Variants in STPG2 observed in about 807,000 individuals in gnomAD.
STPG2 encodes the protein sperm-tail PG-rich repeat-containing protein 2.
Under a neutral mutation model 54.2 loss-of-function variants are expected in STPG2, and 56 were observed. The ratio of observed to expected loss-of-function variants is 1.03; its 90% CI spans 0.83 to 1.29. The LOEUF is 1.29. Among genes scored for constraint, STPG2 ranks in the 50% most tolerant of loss-of-function variants. The pLI is 0.00. For missense variants in STPG2, 596 were observed against 544.9 expected, an observed-to-expected ratio of 1.09 and a Z score of -0.93; for synonymous variants, 200 against 181.8, an observed-to-expected ratio of 1.10 and a Z score of -0.81.
At chr4:97,636,738 C>T (rs1261430200) in intron 10 of STPG2, among the ~76,000 whole-genome samples, 1 of 152,206 alleles carries the variant, frequency 6.6e-6, no homozygotes, top group Non-Finnish European at 1.5e-5. Context: ...ACTAGAAAAT[C>T]TAGAAGAAAT....
At chr4:97,571,128 T>G (rs1031210056) in intron 10 of STPG2, among the ~76,000 whole-genome samples, 2 of 152,042 alleles carry the variant, frequency 1.3e-5, no homozygotes, top group Admixed American at 1.3e-4. Flanking sequence ...ATAATTTTAA[T>G]TATTTTTAAA....
chr4:97,539,399 T>C (rs1731633187), intron 4 of STPG2, among the ~76,000 whole-genome samples: 2 of 151,926 alleles, frequency 1.3e-5, no homozygotes, highest in Admixed American at 6.6e-5. Context: ...AATCCTAGTC[T>C]CTGATAAAAT....
chr4:97,921,626 AGACATATATGG>A (rs1264113003), intron 8 of STPG2, among the ~76,000 whole-genome samples: 1 of 152,132 alleles, frequency 6.6e-6, no homozygotes, highest in Non-Finnish European at 1.5e-5. Context: ...AAAACCTACA[AGACATATATGG>A]GACATCATCA....
chr4:98,023,288 AC>A lies in STPG2; in HGVS notation c.613-41971del, dbSNP rs550295231. ...GGAGTTTGCTGGAGGTCCACTCCAGACCCTGTTTGCCTGGGTATCAGCAGCG... is the reference window on the plus strand; with the variant it reads ...GGAGTTTGCTGGAGGTCCACTCCAGACCTGTTTGCCTGGGTATCAGCAGCG... On this transcript the variant is annotated intron_variant, in intron 5 of 10. Coordinates refer to ENST00000295268, the MANE Select transcript of STPG2 (RefSeq NM_174952.3). 4.2e-3 allele frequency among the ~76,000 whole-genome samples: 647 copies of A among 152,248 alleles called. 3 individuals are homozygous for A. The highest frequency in any genetic ancestry group is 0.025 in the South Asian group (121 of 4,820).
intron 4 of STPG2, among the ~76,000 whole-genome samples, chr4:97,529,285 T>A (rs973329416): frequency 6.6e-6 from 1 of 152,232 alleles, no homozygotes; most frequent in African/African-American, 2.4e-5. Flanking sequence ...GGATTACATT[T>A]ATTAATTTGC....
At chr4:97,816,478 C>A (rs1378769214) in intron 9 of STPG2, among the ~76,000 whole-genome samples, 2 of 152,114 alleles carry the variant, frequency 1.3e-5, no homozygotes, top group African/African-American at 2.4e-5. Context: ...AATGGTTGAG[C>A]AAATTTACAC....
At chr4:97,533,531 C>T (rs1731462040) in intron 4 of STPG2, among the ~76,000 whole-genome samples, 1 of 151,924 alleles carries the variant, frequency 6.6e-6, no homozygotes, top group South Asian at 2.1e-4. Context: ...TCATATATAA[C>T]ATTTCCTTCA....
chr4:97,596,272 G>C (rs1578413297), intron 10 of STPG2, among the ~76,000 whole-genome samples: 1 of 152,088 alleles, frequency 6.6e-6, no homozygotes, highest in Admixed American at 6.6e-5. Flanking sequence ...TAAGTTCTTT[G>C]AGATGTAAGA....
At chr4:97,724,526 G>A (rs1366753685) in intron 9 of STPG2, among the ~76,000 whole-genome samples, 1 of 152,058 alleles carries the variant, frequency 6.6e-6, no homozygotes, top group Non-Finnish European at 1.5e-5. Context: ...GATCACTGCT[G>A]GTATTGAGAA....
At chr4:97,722,474 T>A (rs561080919) in intron 9 of STPG2, among the ~76,000 whole-genome samples, 1 of 152,310 alleles carries the variant, frequency 6.6e-6, no homozygotes, top group African/African-American at 2.4e-5. Flanking sequence ...GTTTGTCACA[T>A]AATTGCCACA....
chr4:97,908,982 T>A (rs964966548), intron 8 of STPG2, among the ~76,000 whole-genome samples: 2 of 149,948 alleles, frequency 1.3e-5, no homozygotes, highest in Non-Finnish European at 3.0e-5. Context: ...AACCTGCACA[T>A]TGTGCACATG....
At chr4:97,787,522 A>G (rs1726862749) in intron 9 of STPG2, among the ~76,000 whole-genome samples, 1 of 152,048 alleles carries the variant, frequency 6.6e-6, no homozygotes, top group African/African-American at 2.4e-5. Flanking sequence ...GCTAAATTCA[A>G]CTTGATATTT....
intron 9 of STPG2, among the ~76,000 whole-genome samples, chr4:97,820,551 T>C (rs927566199): frequency 1.3e-5 from 2 of 152,116 alleles, no homozygotes; most frequent in Non-Finnish European, 2.9e-5. Context: ...GCTACCACAG[T>C]AAATACACAA....
chr4:98,054,419 T>G (rs1737421381), intron 5 of STPG2, among the ~76,000 whole-genome samples: 1 of 152,168 alleles, frequency 6.6e-6, no homozygotes, highest in African/African-American at 2.4e-5. Flanking sequence ...AAATAACCTT[T>G]GCATTGGATT....
At chr4:97,590,638 G>GACAGAC (rs1553940790) in intron 10 of STPG2, among the ~76,000 whole-genome samples, 19 of 138,620 alleles carry the variant, frequency 1.4e-4, no homozygotes, top group African/African-American at 4.2e-4. Context: ...CAGACACACA[G>GACAGAC]ACACACACAC....
In STPG2 at chr4:98,091,236, C is replaced by G. The variant is rs528544790; in HGVS notation, c.612+14717G>C. On this transcript the variant is annotated intron_variant, in intron 5 of 10. Transcript: ENST00000295268. ...CTATGTGAACCACTATGCATTACCT[C>G]ATGATTTCCCTCTCTCTCTCTACTC... 2.0e-5 allele frequency among the ~76,000 whole-genome samples: 3 copies of G among 152,136 alleles called. No individual in the cohort carries two copies. In the East Asian group the frequency reaches 5.8e-4, roughly 29 times the overall value.
At chr4:97,588,855 C>A (rs574063480) in intron 10 of STPG2, among the ~76,000 whole-genome samples, 1 of 152,148 alleles carries the variant, frequency 6.6e-6, no homozygotes. Flanking sequence ...ACAAAAACAG[C>A]AGCTAGCACT....
chr4:97,559,811 T>C (rs1392439088), intron 10 of STPG2, among the ~76,000 whole-genome samples: 1 of 152,216 alleles, frequency 6.6e-6, no homozygotes, highest in East Asian at 1.9e-4. Context: ...CTAATGTCCT[T>C]TTGACAAAAA....
At chr4:98,086,836 C>T (rs527449204) in intron 5 of STPG2, among the ~76,000 whole-genome samples, 1 of 152,228 alleles carries the variant, frequency 6.6e-6, no homozygotes, top group Non-Finnish European at 1.5e-5. Context: ...TCAGGCTTAG[C>T]ACTTTATTGG....
Sources: allele counts gnomAD v4.1 joint callset (sites outside exome capture counted in the v4.1 genomes callset), GRCh38; gene constraint gnomAD v4.1.1; transcripts MANE v1.5; gene names NCBI Gene and HGNC (gene_info 2026-07-23, HGNC 2026-07-21).